Variants in KLHL25 observed in about 807,000 individuals in gnomAD.
KLHL25 encodes kelch-like protein 25.
KLHL25 carries 41 observed loss-of-function variants against 30.0 expected under a neutral mutation model. The observed-to-expected ratio is 1.37, with a 90% CI of 1.07 to 1.78. KLHL25 has a LOEUF of 1.78. Ranked by LOEUF, KLHL25 falls within the 40% of genes most tolerant of loss-of-function variation. The pLI, the probability that KLHL25 is intolerant of heterozygous loss-of-function variation, is 0.00. For synonymous variants in KLHL25, 399 were observed against 355.3 expected, an observed-to-expected ratio of 1.12 and a Z score of -1.38; for missense variants, 971 against 824.5, an observed-to-expected ratio of 1.18 and a Z score of -2.18.
intron 1 of KLHL25, among the ~76,000 whole-genome samples, chr15:85,786,602 T>C (rs112732350): frequency 0.013 from 2,052 of 152,342 alleles, 20 homozygotes; most frequent in Middle Eastern, 0.02. Context: ...TGACAGATCA[T>C]TGACTAAGCC....
chr15:85,766,973 T>C (rs2089629464), intron 2 of KLHL25, among the ~76,000 whole-genome samples: 1 of 151,238 alleles, frequency 6.6e-6, no homozygotes, highest in Non-Finnish European at 1.5e-5. Flanking sequence ...TAGACATGGA[T>C]GTCATGCCTG....
intron 2 of KLHL25, among the ~76,000 whole-genome samples, chr15:85,765,323 C>T (rs904392503): frequency 2.6e-5 from 3 of 115,606 alleles, no homozygotes; most frequent in African/African-American, 1.0e-4. Flanking sequence ...TCTCTAAAGA[C>T]AGCAGATTAA....
At chr15:85,764,657 C>A (rs939803637) in intron 2 of KLHL25, among the ~76,000 whole-genome samples, 3 of 152,186 alleles carry the variant, frequency 2.0e-5, no homozygotes, top group African/African-American at 7.2e-5. Context: ...TGCTGAGGAA[C>A]AGCAGTCATG....
intron 1 of KLHL25, among the ~76,000 whole-genome samples, chr15:85,777,631 A>G (rs1291481078): frequency 5.9e-5 from 9 of 152,230 alleles, no homozygotes. Context: ...GATTGACCGC[A>G]GAGTCCCAGG....
At chr15:85,774,119 T>G (rs1019505446) in intron 1 of KLHL25, among the ~76,000 whole-genome samples, 3 of 152,000 alleles carry the variant, frequency 2.0e-5, no homozygotes, top group African/African-American at 7.3e-5. Flanking sequence ...GTGGGGAGCA[T>G]GTGAGAGGGC....
In KLHL25 at chr15:85,783,345, T is replaced by C. The variant is rs558230059; in HGVS notation, c.-11+11421A>G. ...CTGACCTCAGGTGATCCACCTGCCT[T>C]GGCCTCCCAAAGTGCTGGGATTACA... On this transcript the variant is annotated intron_variant, in intron 1 of 2. Coordinates refer to ENST00000337975, the MANE Select transcript of KLHL25 (RefSeq NM_022480.4). 7.9e-5 allele frequency among the ~76,000 whole-genome samples: 12 copies of C among 151,984 alleles called. No homozygotes were observed. The South Asian group carries it at 2.3e-3, about 29-fold the overall frequency.
At chr15:85,764,478 G>C (rs1357954507) in intron 2 of KLHL25, 1 of 152,454 alleles carries the variant, frequency 6.6e-6, no homozygotes, top group Non-Finnish European at 1.5e-5. Context: ...ACACAGCCCA[G>C]AACGCCTTGG....
intron 1 of KLHL25, among the ~76,000 whole-genome samples, chr15:85,791,349 G>C (rs987678931): frequency 3.9e-5 from 6 of 152,026 alleles, no homozygotes; most frequent in African/African-American, 1.5e-4. Context: ...ACAAAAATTA[G>C]CCAGGCATGG....
At chr15:85,762,469 AG>A (rs2089589844) in intron 2 of KLHL25, 1 of 151,358 alleles carries the variant, frequency 6.6e-6, no homozygotes, top group Non-Finnish European at 1.5e-5. Flanking sequence ...GTTCCCTCTC[AG>A]GCTGGGTCCC....
At chr15:85,767,562 T>C (rs1215497375) in intron 2 of KLHL25, among the ~76,000 whole-genome samples, 1 of 152,214 alleles carries the variant, frequency 6.6e-6, no homozygotes, top group African/African-American at 2.4e-5. Context: ...AAACTGTAAC[T>C]GTGAGCATAA....
intron 1 of KLHL25, among the ~76,000 whole-genome samples, chr15:85,781,322 C>A (rs2089741663): frequency 6.6e-6 from 1 of 152,196 alleles, no homozygotes; most frequent in African/African-American, 2.4e-5. Context: ...ATTTGGAAAA[C>A]ATCGGTTCAC....
chr15:85,769,995 G>C (rs559141925), intron 1 of KLHL25, among the ~76,000 whole-genome samples, 175 bp from the exon 2 acceptor site: 126 of 152,350 alleles, frequency 8.3e-4, no homozygotes, highest in African/African-American at 2.9e-3. Context: ...GGCAAGAGTG[G>C]CTGGGTCTCA....
At chr15:85,785,778 T>C (rs532994463) in intron 1 of KLHL25, among the ~76,000 whole-genome samples, 545 of 152,294 alleles carry the variant, frequency 3.6e-3, no homozygotes, top group South Asian at 6.4e-3. Context: ...CTTGTAATTG[T>C]ACCTCCCAGT....
chr15:85,768,135 TCATAG>T lies in KLHL25; in HGVS notation c.1671_1675del (p.Cys557Ter), dbSNP rs766490874. On this transcript the variant is annotated stop_gained and frameshift_variant, in exon 2 of 3. Transcript: ENST00000337975. LOFTEE classifies it low-confidence loss of function (END_TRUNC). ...GCAGTTCCATGTATCTGAAGTGGGGTCATAGCAGTCCAGAGTCTTACACCTCTGGG... is the reference window on the plus strand; with the variant it reads ...GCAGTTCCATGTATCTGAAGTGGGGTCAGTCCAGAGTCTTACACCTCTGGG... 6.2e-7 allele frequency: 1 copy of T among 1,614,066 alleles called. No individual in the cohort carries two copies. Among genetic ancestry groups the T allele is most frequent in the Non-Finnish European group, 8.5e-7 (1 of 1,180,012 alleles).
At chr15:85,775,124 G>A (rs747638545) in intron 1 of KLHL25, among the ~76,000 whole-genome samples, 5 of 152,246 alleles carry the variant, frequency 3.3e-5, no homozygotes, top group Non-Finnish European at 7.4e-5. Flanking sequence ...TGATCTGCCC[G>A]TCTTAGCCTC....
rs759369723 is a variant in KLHL25, at chr15:85,768,537, A to T, written c.1274T>A (p.Met425Lys). The T allele has an allele frequency of 1.2e-6, 2 of 1,613,542 alleles. No individual in the cohort carries two copies. Among genetic ancestry groups the T allele is most frequent in the South Asian group, 2.2e-5 (2 of 91,062 alleles). Reference protein sequence around the residue: ...EKYDPGANKWMMVAPLRDGVS... With the variant: ...EKYDPGANKWKMVAPLRDGVS... ...GCCATCCCGCAAGGGGGCCACCATC[A>T]TCCACTTGTTGGCCCCAGGGTCGTA... The change falls in exon 2 of 3, where the codon ATG (methionine) becomes AAG (lysine). Residue 425 changes from methionine (M) to lysine (K), a missense_variant. Transcript: ENST00000337975.
In KLHL25 at chr15:85,768,458, TC is replaced by T; in HGVS notation, c.1352del (p.Gly451GlufsTer74). 1.9e-6 allele frequency: 3 copies of T among 1,613,502 alleles called. No individual in the cohort carries two copies. Among genetic ancestry groups the T allele is most frequent in the Non-Finnish European group, 2.5e-6 (3 of 1,179,858 alleles). On this transcript the variant is annotated frameshift_variant, in exon 2 of 3. Transcript: ENST00000337975. LOFTEE classifies it high-confidence loss of function. ...SAKLKLFVFG[G>X]TSIHRDMVSK... ...ACACCATGTCCCGGTGGATGCTGGTTCCTCCGAAAACAAAGAGCTTCAGCTT... is the reference window on the plus strand; with the variant it reads ...ACACCATGTCCCGGTGGATGCTGGTTCTCCGAAAACAAAGAGCTTCAGCTT...
At position 85,768,264 on chromosome 15, in the gene KLHL25, T is replaced by C; in HGVS notation, c.1547A>G (p.Asn516Ser). Residue 516 changes from asparagine to serine, a missense_variant, in exon 2 of 3, where the codon AAC becomes AGC. By Grantham distance (46) the Asn-to-Ser change is conservative. Coordinates refer to ENST00000337975, the MANE Select transcript of KLHL25 (RefSeq NM_022480.4). Reference protein sequence around the residue: ...ASAYRFDCETNQWTRIGDMTA... With the variant: ...ASAYRFDCETSQWTRIGDMTA... ...CATGTCCCCAATCCGCGTCCACTGG[T>C]TGGTCTCACAGTCAAAGCGGTAGGC... 1 of 1,614,124 alleles carries C rather than the reference T, an allele frequency of 6.2e-7. No individual in the cohort carries two copies. Among genetic ancestry groups the C allele is most frequent in the Non-Finnish European group, 8.5e-7 (1 of 1,180,024 alleles).
chr15:85,769,571 C>T lies in KLHL25; in HGVS notation c.240G>A (p.Arg80=), dbSNP rs2089654823. ...YFEAMFSHGL[R]ESRDDTVNFQ... is the part of the protein sequence containing the mutation. ...AGTTGACAGTGTCATCCCGGCTCTC[C>T]CGAAGGCCATGGCTGAACATGGCCT... Residue 80 remains arginine (R), a synonymous_variant, in exon 2 of 3, where the codon CGG becomes CGA. Coordinates refer to ENST00000337975, the MANE Select transcript of KLHL25 (RefSeq NM_022480.4). The T allele has an allele frequency of 1.9e-6, 3 of 1,613,800 alleles. No individual in the cohort carries two copies. The highest frequency in any genetic ancestry group is 2.5e-6 in the Non-Finnish European group (3 of 1,180,034).
Sources: allele counts gnomAD v4.1 joint callset (sites outside exome capture counted in the v4.1 genomes callset), GRCh38; gene constraint gnomAD v4.1.1; transcripts MANE v1.5; gene names NCBI Gene and HGNC (gene_info 2026-07-23, HGNC 2026-07-21).